Variants in THBS3 observed in about 807,000 individuals in gnomAD.
The protein encoded by THBS3 is thrombospondin 3.
Under a neutral mutation model 118.3 loss-of-function variants are expected in THBS3, and 78 were observed. That is an observed-to-expected ratio of 0.66 (90% confidence interval 0.55 to 0.80). The LOEUF (loss-of-function observed/expected upper bound fraction) is 0.80. THBS3 is among the 30% of genes least tolerant of loss of function. THBS3 has a pLI of 0.00. For synonymous variants in THBS3, 427 were observed against 475.3 expected, an observed-to-expected ratio of 0.90 and a Z score of 1.32; for missense variants, 1,057 against 1,247.4, an observed-to-expected ratio of 0.85 and a Z score of 2.30.
intron 16 of THBS3, 59 bp from the exon 17 acceptor site, chr1:155,198,661 C>T (rs546160170): frequency 3.0e-5 from 46 of 1,542,968 alleles, no homozygotes; most frequent in East Asian, 6.8e-5. Flanking sequence ...TCCTTCCCTT[C>T]GCTTCTGCCT....
intron 16 of THBS3, 76 bp downstream of exon 16, chr1:155,199,728 C>A (rs1294008543): frequency 2.2e-5 from 34 of 1,536,438 alleles, no homozygotes; most frequent in Non-Finnish European, 2.9e-5. Context: ...GTACTCCAGC[C>A]TAGGTGACAG....
chr1:155,203,031 A>G, intron 7 of THBS3, 55 bp downstream of exon 7: 2 of 1,613,906 alleles, frequency 1.2e-6, no homozygotes, highest in Non-Finnish European at 1.7e-6. Context: ...AGCCAAAGCC[A>G]TTGGGTGGGG....
rs1668922858 is a variant in THBS3 at position 155,197,713 on chromosome 1, C to G, written c.2303-54G>C. 8.7e-6 allele frequency: 14 copies of G among 1,603,942 alleles called. No individual in the cohort carries two copies. Among genetic ancestry groups the G allele is most frequent in the Non-Finnish European group, 1.1e-5 (13 of 1,172,402 alleles). On this transcript the variant is annotated intron_variant, in intron 19 of 22. Transcript: ENST00000368378. The surrounding 1 kb of genome is among the most constrained non-coding windows in gnomAD (Gnocchi z 5.0). The stretch of plus-strand genomic sequence containing the variant: ...GGCAGCAAAGCTACTGGCGGCCCAT[C>G]ATGGGGTAAAGTTGGGAAGGGATGC...
In THBS3 at chr1:155,203,315, C is replaced by G; in HGVS notation, c.674-10G>C. ...GCCTTGGTCTGCTCCCCTGTCGGGA[C>G]CCAGGGTGTGAGGGGTTCAGTACTG... On this transcript the variant is annotated splice_polypyrimidine_tract_variant and intron_variant, in intron 5 of 22. Coordinates refer to ENST00000368378, the MANE Select transcript of THBS3 (RefSeq NM_007112.5). 6.2e-7 allele frequency: 1 copy of G among 1,613,744 alleles called. No homozygotes were observed. The highest frequency in any genetic ancestry group is 1.1e-5 in the South Asian group (1 of 91,014).
chr1:155,203,478 C>T (rs187681941), intron 5 of THBS3, 35 bp downstream of exon 5: 337 of 1,612,214 alleles, frequency 2.1e-4, no homozygotes, highest in African/African-American at 8.5e-4. Context: ...GCCTCCTCCC[C>T]GCTCCCCGCT....
In THBS3 at chr1:155,200,034, A is replaced by G; in HGVS notation, c.1788T>C (p.Asp596=). 6 of 1,603,222 alleles carry G rather than the reference A, an allele frequency of 3.7e-6. No individual in the cohort carries two copies. Among genetic ancestry groups the G allele is most frequent in the Non-Finnish European group, 4.3e-6 (5 of 1,173,768 alleles). Residue 596 remains aspartate, a synonymous_variant, in exon 15 of 23, where the codon GAT becomes GAC. Transcript: ENST00000368378. The stretch of plus-strand genomic sequence containing the variant: ...TCATTTCAGGGCAGCTGTCGCAAGC[A>G]TCTCCCACCCCGTCCTCATCCCTGT... ...QTDRDEDGVG[D]ACDSCPEMSN...
intron 21 of THBS3, among the ~76,000 whole-genome samples, chr1:155,196,686 A>C (rs1008021382): frequency 3.9e-5 from 6 of 152,218 alleles, no homozygotes; most frequent in Non-Finnish European, 5.9e-5. Flanking sequence ...TCTGTAAATG[A>C]TGATGCCTTC....
chr1:155,195,788 C>A lies in THBS3; in HGVS notation c.*53G>T, dbSNP rs1209950768. 3.8e-6 allele frequency: 6 copies of A among 1,595,720 alleles called. No individual in the cohort carries two copies. The Admixed American group carries it at 8.3e-5, about 22-fold the overall frequency. Reference sequence around the variant, plus strand: ...TAGACCTCAGGGTCTCCAGGATGGACCCCAAGGCCAAAGGGTCTAAAATTC... The same window carrying A: ...TAGACCTCAGGGTCTCCAGGATGGAACCCAAGGCCAAAGGGTCTAAAATTC... On this transcript the variant is annotated 3_prime_UTR_variant, in exon 23 of 23. Coordinates refer to ENST00000368378, the MANE Select transcript of THBS3 (RefSeq NM_007112.5).
At chr1:155,203,920 C>G (rs2148002376) in intron 4 of THBS3, among the ~76,000 whole-genome samples, 1 of 152,140 alleles carries the variant, frequency 6.6e-6, no homozygotes, top group South Asian at 2.1e-4. Context: ...TCACCACAAC[C>G]TCCACCTCCT....
At position 155,207,893 on chromosome 1, in the gene THBS3, A is replaced by G; in HGVS notation, c.-17T>C. ...CGTCTCCATGCCTCTCAGCCGGCTC[A>G]CTACCCCTGGCAGGCAGGCAGCTGG... is the stretch of plus-strand genomic sequence containing the variant. On this transcript the variant is annotated 5_prime_UTR_variant, in exon 1 of 23. Coordinates refer to ENST00000368378, the MANE Select transcript of THBS3 (RefSeq NM_007112.5). The G allele has an allele frequency of 6.2e-7, 1 of 1,612,396 alleles. No individual in the cohort carries two copies.
chr1:155,208,603 C>A (rs970008700), upstream of THBS3: 53 of 582,690 alleles, frequency 9.1e-5, no homozygotes, highest in Middle Eastern at 4.6e-4. Context: ...ACTGTGGGTA[C>A]TAGCGGACGG....
chr1:155,206,243 GTTGTC>G lies in THBS3; in HGVS notation c.238_242del (p.Asp80HisfsTer38). ...CAACAGAGGCCTCCAGCCATCGAGT[GTTGTC>G]TTGGCGAGAATAGAGGCCAAAGAGG... is the stretch of plus-strand genomic sequence containing the variant. On this transcript the variant is annotated frameshift_variant, in exon 2 of 23. Coordinates refer to ENST00000368378, the MANE Select transcript of THBS3 (RefSeq NM_007112.5). LOFTEE classifies it high-confidence loss of function. The surrounding 1 kb of genome is among the most constrained non-coding windows in gnomAD (Gnocchi z 4.2). 1 of 1,614,160 alleles carries G rather than the reference GTTGTC, an allele frequency of 6.2e-7. No individual in the cohort carries two copies. The highest frequency in any genetic ancestry group is 8.5e-7 in the Non-Finnish European group (1 of 1,180,032).
At chr1:155,207,947 G>C (rs1338553120), upstream of THBS3, 2 of 1,413,016 alleles carry the variant, frequency 1.4e-6, no homozygotes, top group Non-Finnish European at 1.9e-6. Context: ...GGAGAGAGCA[G>C]GAGCCGGGGG....
intron 5 of THBS3, 21 bp downstream of exon 5, chr1:155,203,492 G>T: frequency 6.2e-7 from 1 of 1,613,262 alleles, no homozygotes. Flanking sequence ...CCCCGCTTCC[G>T]CTTCAGTGTG....
Position 155,197,666 on chromosome 1 carries a change from T to TGGGGGGGGG in THBS3, c.2303-8_2303-7insCCCCCCCCC. On this transcript the variant is annotated splice_polypyrimidine_tract_variant and splice_region_variant and intron_variant, in intron 19 of 22. Coordinates refer to ENST00000368378, the MANE Select transcript of THBS3 (RefSeq NM_007112.5). This position sits in a 1 kb window ranked among gnomAD's most constrained non-coding sequence, Gnocchi z 5.0. ...CCATTGAAGGCCGTGTATCCTGGGG[T>TGGGGGGGGG]GGGGGTGGGATAAAGGTCAGGGGCA... 1 of 564,402 alleles carries TGGGGGGGGG rather than the reference T, an allele frequency of 1.8e-6. No homozygotes were observed. 35.0% of individuals were successfully genotyped at this position (564,402 alleles called of 1,614,324 possible).
upstream of THBS3, chr1:155,207,946 A>C: frequency 7.6e-7 from 1 of 1,317,282 alleles, no homozygotes; most frequent in Non-Finnish European, 1.0e-6. Context: ...CGGAGAGAGC[A>C]GGAGCCGGGG....
chr1:155,205,036 ACTCAGAGGCTCCTCCCGG>A lies in THBS3; in HGVS notation c.543+6_543+23del. On this transcript the variant is annotated splice_donor_region_variant and intron_variant, in intron 3 of 22. Transcript: ENST00000368378. ...CTGGTGCAAACTCTATTTCCACAGAACTCAGAGGCTCCTCCCGGCTCACCTGCATCCTCAAATACGCCT... is the reference window on the plus strand; with the variant it reads ...CTGGTGCAAACTCTATTTCCACAGAACTCACCTGCATCCTCAAATACGCCT... 1 of 1,612,936 alleles carries A rather than the reference ACTCAGAGGCTCCTCCCGG, an allele frequency of 6.2e-7. No homozygotes were observed. The highest frequency in any genetic ancestry group is 2.2e-5 in the East Asian group (1 of 44,864).
upstream of THBS3, chr1:155,208,625 G>A: frequency 1.5e-6 from 1 of 655,762 alleles, no homozygotes; most frequent in South Asian, 2.2e-5. Flanking sequence ...CCGTGACCCG[G>A]ATGAAGCAGA....
intron 5 of THBS3, 92 bp downstream of exon 5, chr1:155,203,421 T>C: frequency 6.3e-7 from 1 of 1,591,542 alleles, no homozygotes. Context: ...ACCTACTACA[T>C]TCCTGACTGA....
Sources: allele counts gnomAD v4.1 joint callset (sites outside exome capture counted in the v4.1 genomes callset), GRCh38; gene constraint gnomAD v4.1.1; non-coding constraint Gnocchi (gnomAD v3.1); transcripts MANE v1.5; gene names NCBI Gene and HGNC (gene_info 2026-07-23, HGNC 2026-07-21).